NOL10: variants seen among roughly 807,000 people sequenced by gnomAD.
The protein encoded by NOL10 is nucleolar protein 10.
A neutral mutation model predicts 103.5 loss-of-function variants in NOL10; 58 were observed. The observed-to-expected ratio is 0.56, with a 90% CI of 0.45 to 0.70. The LOEUF (loss-of-function observed/expected upper bound fraction) is 0.70. Among genes scored for constraint, NOL10 ranks in the 30% least tolerant of loss-of-function variants. NOL10 has a pLI of 0.00. For missense variants in NOL10, 763 were observed against 807.3 expected (o/e 0.95, Z 0.67); for synonymous variants, 287 against 282.5 (o/e 1.02, Z -0.16).
intron 13 of NOL10, among the ~76,000 whole-genome samples, chr2:10,608,684 A>G (rs2110776): frequency 0.59 from 90,006 of 152,104 alleles, 27,648 homozygotes; most frequent in African/African-American, 0.74. Context: ...AAGGAAGAGA[A>G]TTATAACAAA....
intron 11 of NOL10, among the ~76,000 whole-genome samples, chr2:10,656,350 T>C (rs1230773799): frequency 6.6e-6 from 1 of 152,202 alleles, no homozygotes; most frequent in Non-Finnish European, 1.5e-5. Flanking sequence ...GCAGACAGCA[T>C]AGACACTTCC....
intron 11 of NOL10, 90 bp downstream of exon 11, chr2:10,657,652 T>G: frequency 1.8e-6 from 2 of 1,135,464 alleles, no homozygotes; most frequent in Non-Finnish European, 2.5e-6. Flanking sequence ...TCTTTCCCAA[T>G]AACCCACATA....
At chr2:10,637,602 C>T (rs1572347440) in intron 13 of NOL10, among the ~76,000 whole-genome samples, 1 of 152,234 alleles carries the variant, frequency 6.6e-6, no homozygotes, top group African/African-American at 2.4e-5. Flanking sequence ...GAAACATTCA[C>T]TAAACAACCT....
At chr2:10,689,682 G>C (rs1682488669) in intron 1 of NOL10, 114 bp downstream of exon 1, 1 of 1,073,404 alleles carries the variant, frequency 9.3e-7, no homozygotes, top group Admixed American at 2.4e-5. Flanking sequence ...CCCGAGTCGG[G>C]GGGTGACCAG....
In NOL10 at chr2:10,607,184, C is replaced by T; in HGVS notation, c.1153+1G>A. The stretch of plus-strand genomic sequence containing the variant: ...ATATTTCATCACAATTTTTTTTTTA[C>T]CTAAATTTTCAAGGTCTTTCTTGGT... On this transcript the variant is annotated splice_donor_variant, in intron 14 of 20. Transcript: ENST00000381685. LOFTEE classifies it high-confidence loss of function. 1.3e-6 allele frequency: 2 copies of T among 1,519,424 alleles called. No individual in the cohort carries two copies. The highest frequency in any genetic ancestry group is 2.3e-5 in the East Asian group (1 of 43,058). The allele number at this position is 1,519,424 out of a possible 1,614,324, so 94.1% of individuals were successfully genotyped here.
chr2:10,681,296 A>C (rs1297978378), intron 3 of NOL10, among the ~76,000 whole-genome samples: 1 of 151,952 alleles, frequency 6.6e-6, no homozygotes, highest in East Asian at 1.9e-4. Context: ...AAAAAAAAAG[A>C]AGCTATTGAC....
At chr2:10,611,230 CTT>C (rs1553301042) in intron 13 of NOL10, among the ~76,000 whole-genome samples, 4 of 152,194 alleles carry the variant, frequency 2.6e-5, no homozygotes, top group Non-Finnish European at 5.9e-5. Flanking sequence ...AATGGAAATA[CTT>C]GATTCTATAA....
intron 14 of NOL10, 95 bp downstream of exon 14, chr2:10,607,090 G>A (rs1231598114): frequency 2.7e-6 from 2 of 740,126 alleles, no homozygotes; most frequent in African/African-American, 1.8e-5. Context: ...TAGGAGATGA[G>A]GTAAACATGG....
intron 13 of NOL10, among the ~76,000 whole-genome samples, chr2:10,631,181 G>A (rs1021945407): frequency 1.3e-5 from 2 of 152,156 alleles, no homozygotes; most frequent in African/African-American, 4.8e-5. Context: ...ATCTCTTACT[G>A]GGGACTTCTC....
chr2:10,579,718 G>C (rs1415132005), intron 19 of NOL10, among the ~76,000 whole-genome samples: 2 of 151,734 alleles, frequency 1.3e-5, no homozygotes, highest in African/African-American at 2.4e-5. Flanking sequence ...AGTTAACAGG[G>C]CTGCTGTGCC....
At position 10,587,236 on chromosome 2, in the gene NOL10, T is replaced by TACAC. The variant is rs1558270856; in HGVS notation, c.1844+1806_1844+1807insGTGT. ...ATATATACATATATATACATATATA[T>TACAC]ATACATACATATATATATATACACA... is the stretch of plus-strand genomic sequence containing the variant. On this transcript the variant is annotated intron_variant, in intron 19 of 20. Coordinates refer to ENST00000381685, the MANE Select transcript of NOL10 (RefSeq NM_024894.4). Among the ~76,000 whole-genome samples the TACAC allele has an allele frequency of 3.8e-5, 2 of 52,302 alleles. 1 individual carries two copies. The highest frequency in any genetic ancestry group is 9.4e-4 in the East Asian group (2 of 2,132). The allele number at this position is 52,302 out of a possible 152,430, so 34.3% of individuals were successfully genotyped here.
chr2:10,638,483 C>CTTTTTTTTTTTTTTTTTTTTT (rs869294782), intron 13 of NOL10, among the ~76,000 whole-genome samples: 1 of 77,784 alleles, frequency 1.3e-5, no homozygotes, highest in African/African-American at 5.4e-5. Context: ...GCTGAATTCC[C>CTTTTTTTTTTTTTTTTTTTTT]TTTTTTTTTT....
intron 12 of NOL10, among the ~76,000 whole-genome samples, chr2:10,651,571 T>C (rs1679458932): frequency 6.6e-6 from 1 of 152,180 alleles, no homozygotes; most frequent in Non-Finnish European, 1.5e-5. Flanking sequence ...TATTTTATAC[T>C]CACAGTACAT....
intron 4 of NOL10, 48 bp downstream of exon 4, chr2:10,675,746 C>T (rs1681264790): frequency 9.4e-7 from 1 of 1,063,364 alleles, no homozygotes; most frequent in Non-Finnish European, 1.4e-6. Context: ...GAAAAGCAGA[C>T]AACATAAAAA....
At chr2:10,573,513 C>A (rs1287634429) in intron 20 of NOL10, among the ~76,000 whole-genome samples, 1 of 152,092 alleles carries the variant, frequency 6.6e-6, no homozygotes, top group South Asian at 2.1e-4. Context: ...TTTCTACACA[C>A]CTAACAAAAC....
intron 13 of NOL10, among the ~76,000 whole-genome samples, chr2:10,638,320 G>GTA (rs1558311220): frequency 1.0e-3 from 129 of 127,036 alleles, no homozygotes; most frequent in African/African-American, 4.9e-3. Context: ...GACGTGACGT[G>GTA]ACGTGACGTG....
rs549780778 is a variant in NOL10, at chr2:10,654,278, T to C, written c.973+203A>G. Among the ~76,000 whole-genome samples, 9 of 152,328 alleles carry C rather than the reference T, an allele frequency of 5.9e-5. No homozygotes were observed. In the East Asian group the frequency reaches 1.3e-3, roughly 23 times the overall value. On this transcript the variant is annotated intron_variant, in intron 12 of 20. Transcript: ENST00000381685. Reference sequence around the variant, plus strand: ...GTCATTAAGAGTGCCATTTTCTGAATCATCCACACCACTTCCTGCTCTTAA... The same window carrying C: ...GTCATTAAGAGTGCCATTTTCTGAACCATCCACACCACTTCCTGCTCTTAA...
chr2:10,598,999 T>C (rs1675839277), intron 17 of NOL10, among the ~76,000 whole-genome samples: 5 of 152,182 alleles, frequency 3.3e-5, no homozygotes, highest in South Asian at 4.1e-4. Flanking sequence ...GTTCAACTTG[T>C]GAGGTCATTT....
intron 3 of NOL10, among the ~76,000 whole-genome samples, chr2:10,676,320 C>T (rs1429064008): frequency 6.6e-6 from 1 of 152,160 alleles, no homozygotes; most frequent in Non-Finnish European, 1.5e-5. Flanking sequence ...ATTGAACTCA[C>T]AGAAATATAT....
Sources: allele counts gnomAD v4.1 joint callset (sites outside exome capture counted in the v4.1 genomes callset), GRCh38; gene constraint gnomAD v4.1.1; transcripts MANE v1.5; gene names NCBI Gene and HGNC (gene_info 2026-07-23, HGNC 2026-07-21).